Variants in CFAP299 observed in about 807,000 individuals in gnomAD.
The protein encoded by CFAP299 is cilia- and flagella-associated protein 299.
CFAP299 carries 21 observed loss-of-function variants against 27.0 expected under a neutral mutation model. That is an observed-to-expected ratio of 0.78 (90% CI 0.55 to 1.12). The LOEUF (loss-of-function observed/expected upper bound fraction) is 1.12, where lower values mean the gene tolerates loss of function less well. Among genes scored for constraint, CFAP299 ranks in the 50% most tolerant of loss-of-function variants. The probability of loss-of-function intolerance (pLI) is 0.00; values close to 1 mark genes in which losing one functional copy is unlikely to be tolerated. For synonymous variants in CFAP299, 104 were observed against 98.1 expected (o/e 1.06, Z -0.36); for missense variants, 310 against 276.6 (o/e 1.12, Z -0.86).
At chr4:80,650,983 T>A (rs1330878111) in intron 3 of CFAP299, among the ~76,000 whole-genome samples, 1 of 151,900 alleles carries the variant, frequency 6.6e-6, no homozygotes, top group Non-Finnish European at 1.5e-5. Flanking sequence ...AGTAACCAAA[T>A]ACCACCTGTT....
At chr4:80,848,076 T>C (rs1731280528) in intron 3 of CFAP299, among the ~76,000 whole-genome samples, 2 of 151,644 alleles carry the variant, frequency 1.3e-5, no homozygotes, top group East Asian at 3.9e-4. Context: ...CTGAGTGTGG[T>C]GGTGTGCTCC....
At chr4:80,387,871 G>C in intron 2 of CFAP299, 1 of 1,181,540 alleles carries the variant, frequency 8.5e-7, no homozygotes, top group Non-Finnish European at 1.3e-6. Flanking sequence ...CTTCAGCATT[G>C]GTGGAGAGTC....
chr4:80,342,042 A>G (rs977438829), intron 1 of CFAP299, among the ~76,000 whole-genome samples: 2 of 152,236 alleles, frequency 1.3e-5, no homozygotes, highest in Admixed American at 6.5e-5. Context: ...CAATAGCAGA[A>G]TAGACCAACC....
chr4:80,557,414 A>C (rs1480833394), intron 2 of CFAP299, among the ~76,000 whole-genome samples: 1 of 152,134 alleles, frequency 6.6e-6, no homozygotes, highest in Non-Finnish European at 1.5e-5. Flanking sequence ...TTTCAGATCC[A>C]AGAGTCAAAG....
At chr4:80,466,575 A>G (rs1024110194) in intron 2 of CFAP299, among the ~76,000 whole-genome samples, 2 of 152,220 alleles carry the variant, frequency 1.3e-5, no homozygotes, top group African/African-American at 4.8e-5. Flanking sequence ...ACCAGCACTA[A>G]AACGATGGTA....
chr4:80,669,154 T>C (rs1741322052), intron 3 of CFAP299, among the ~76,000 whole-genome samples: 4 of 88,460 alleles, frequency 4.5e-5, no homozygotes, highest in South Asian at 4.9e-4. Context: ...TCTTTCTTTT[T>C]TTTTTTTTTT....
intron 3 of CFAP299, among the ~76,000 whole-genome samples, chr4:80,742,374 T>C (rs1433402408): frequency 6.6e-6 from 1 of 152,198 alleles, no homozygotes; most frequent in Non-Finnish European, 1.5e-5. Flanking sequence ...ATTTATTGAT[T>C]TGCTTATTTG....
At chr4:80,340,621 AG>A (rs1236283478) in intron 1 of CFAP299, among the ~76,000 whole-genome samples, 17 of 152,102 alleles carry the variant, frequency 1.1e-4, no homozygotes, top group African/African-American at 3.9e-4. Context: ...ACAAATTCCC[AG>A]GGGGACAGGT....
intron 2 of CFAP299, among the ~76,000 whole-genome samples, chr4:80,516,718 C>A (rs1182223264): frequency 6.6e-6 from 1 of 152,088 alleles, no homozygotes; most frequent in Non-Finnish European, 1.5e-5. Context: ...GGAAAAACAT[C>A]CAAACCATGT....
chr4:80,396,665 A>G (rs1488157779), intron 2 of CFAP299, among the ~76,000 whole-genome samples: 1 of 152,134 alleles, frequency 6.6e-6, no homozygotes, highest in Non-Finnish European at 1.5e-5. Context: ...GGTTCTGTTT[A>G]TATGCTGGAT....
At chr4:80,870,559 A>T (rs1234339565) in intron 4 of CFAP299, 31 of 987,722 alleles carry the variant, frequency 3.1e-5, no homozygotes, top group Non-Finnish European at 3.5e-5. Flanking sequence ...TCTCTGTCCT[A>T]TTCTGGGACA....
chr4:80,867,931 A>G (rs1732841067), intron 3 of CFAP299, among the ~76,000 whole-genome samples: 1 of 152,112 alleles, frequency 6.6e-6, no homozygotes, highest in African/African-American at 2.4e-5. Context: ...ATTGCCTTCT[A>G]TTTAATTGGT....
At chr4:80,616,029 C>G (rs928048658) in intron 3 of CFAP299, among the ~76,000 whole-genome samples, 1 of 152,194 alleles carries the variant, frequency 6.6e-6, no homozygotes, top group Non-Finnish European at 1.5e-5. Context: ...AAACAGAACT[C>G]TCTCCTCTCA....
chr4:80,539,936 T>A (rs901166887), intron 2 of CFAP299, among the ~76,000 whole-genome samples: 3 of 152,190 alleles, frequency 2.0e-5, no homozygotes, highest in Non-Finnish European at 2.9e-5. Flanking sequence ...ATGCTTCTTT[T>A]GGTTAGCAGA....
intron 3 of CFAP299, among the ~76,000 whole-genome samples, chr4:80,775,301 A>G (rs1726470656): frequency 6.6e-6 from 1 of 152,032 alleles, no homozygotes. Context: ...GCAATATCTC[A>G]GCATGGTGGA....
chr4:80,367,068 A>T (rs983149846), intron 2 of CFAP299, among the ~76,000 whole-genome samples: 1 of 152,220 alleles, frequency 6.6e-6, no homozygotes, highest in Non-Finnish European at 1.5e-5. Context: ...TTGGACAATG[A>T]CTGCTAATGA....
chr4:80,461,523 G>A (rs570765608), intron 2 of CFAP299, among the ~76,000 whole-genome samples: 3 of 152,212 alleles, frequency 2.0e-5, no homozygotes, highest in African/African-American at 7.2e-5. Context: ...TCAGCCTTAA[G>A]GTCTCTGTTT....
intron 2 of CFAP299, among the ~76,000 whole-genome samples, chr4:80,575,202 A>T (rs903227055): frequency 4.6e-5 from 7 of 152,124 alleles, no homozygotes; most frequent in African/African-American, 1.7e-4. Flanking sequence ...AGTTATACAT[A>T]TCTATACATT....
intron 3 of CFAP299, among the ~76,000 whole-genome samples, chr4:80,742,319 A>G (rs528090973): frequency 6.6e-6 from 1 of 152,280 alleles, no homozygotes; most frequent in East Asian, 1.9e-4. Flanking sequence ...TAGCATTCTT[A>G]TAGAAAAAAC....
Sources: gnomAD v4.1 joint callset for allele counts (sites outside exome capture counted in the v4.1 genomes callset) on GRCh38, gnomAD v4.1.1 for gene constraint, MANE v1.5 for transcripts, NCBI Gene and HGNC (gene_info 2026-07-23, HGNC 2026-07-21) for gene names.